NFIB: variants seen among roughly 807,000 people sequenced by gnomAD.
The protein encoded by NFIB is nuclear factor 1 B-type.
A neutral mutation model predicts 61.5 loss-of-function variants in NFIB; 11 were observed. The observed-to-expected ratio is 0.18, with a 90% confidence interval of 0.11 to 0.30. The LOEUF (loss-of-function observed/expected upper bound fraction) is 0.30. NFIB is among the 10% of genes least tolerant of loss of function. The probability of loss-of-function intolerance (pLI) is 1.00; values close to 1 mark genes in which losing one functional copy is unlikely to be tolerated. For missense variants in NFIB, 471 were observed against 608.9 expected (o/e 0.77, Z 2.38); for synonymous variants, 260 against 216.5 (o/e 1.20, Z -1.76).
Position 14,232,841 on chromosome 9 carries a change from A to G in NFIB, c.563-53061T>C, listed in dbSNP as rs549704460. Among the ~76,000 whole-genome samples, 6 of 152,320 alleles carry G rather than the reference A, an allele frequency of 3.9e-5. No homozygotes were observed. In the East Asian group the frequency reaches 9.6e-4, roughly 24 times the overall value. ...TTTATTTCAATTGTTTTGCCTATGT[A>G]CTATAGTCTGTAACTATCCTAGTCT... On this transcript the variant is annotated intron_variant, in intron 2 of 10. Coordinates refer to ENST00000380953, the MANE Select transcript of NFIB (RefSeq NM_001190737.2).
At chr9:14,419,055 T>C in the NFIB span, among the ~76,000 whole-genome samples, 118,958 of 151,822 alleles carry the variant, frequency 0.78, 46,800 homozygotes, top group Admixed American at 0.83. Flanking sequence ...ATCGGCAACC[T>C]GCAAAGTCAC....
At chr9:14,170,271 C>A (rs1039341592) in intron 3 of NFIB, among the ~76,000 whole-genome samples, 1 of 152,118 alleles carries the variant, frequency 6.6e-6, no homozygotes, top group African/African-American at 2.4e-5. Flanking sequence ...CTGTATGTGG[C>A]AAAAGCAGAT....
the NFIB span, among the ~76,000 whole-genome samples, chr9:14,444,399 T>C: frequency 6.6e-6 from 1 of 152,134 alleles, no homozygotes; most frequent in Non-Finnish European, 1.5e-5. Context: ...TAGAAGGTAA[T>C]GGCTAGAAAA....
At chr9:14,182,182 TA>T (rs1258883198) in intron 2 of NFIB, among the ~76,000 whole-genome samples, 1 of 152,134 alleles carries the variant, frequency 6.6e-6, no homozygotes, top group Non-Finnish European at 1.5e-5. Flanking sequence ...ATATACTTAC[TA>T]AAAAAACCAC....
chr9:14,293,880 C>G (rs2059257409), intron 2 of NFIB, among the ~76,000 whole-genome samples: 1 of 152,106 alleles, frequency 6.6e-6, no homozygotes, highest in Non-Finnish European at 1.5e-5. Context: ...CACCAAAAAA[C>G]AAAACCTTAC....
intron 2 of NFIB, among the ~76,000 whole-genome samples, chr9:14,293,815 G>C (rs776316708): frequency 6.6e-6 from 1 of 152,126 alleles, no homozygotes; most frequent in African/African-American, 2.4e-5. Context: ...GGTATGTCAT[G>C]TACAAAATAT....
chr9:14,245,753 A>T (rs914318029), intron 2 of NFIB, among the ~76,000 whole-genome samples: 1 of 152,014 alleles, frequency 6.6e-6, no homozygotes, highest in Non-Finnish European at 1.5e-5. Flanking sequence ...CACATCTGTA[A>T]TCCCAGCTAC....
At chr9:14,418,493 A>G in the NFIB span, among the ~76,000 whole-genome samples, 1 of 152,194 alleles carries the variant, frequency 6.6e-6, no homozygotes, top group African/African-American at 2.4e-5. Flanking sequence ...TCTGCTGCTT[A>G]GAACCAGGGT....
chr9:14,087,563 CCTTTTTT>C lies in NFIB; in HGVS notation c.*739_*745del, dbSNP rs980390473. On this transcript the variant is annotated 3_prime_UTR_variant, in exon 11 of 11. Transcript: ENST00000380953. ...GCCTTTGTGTTCAAACTGTTTTTTT[CCTTTTTT>C]CTTTTTTTCCTTTTTTTTTCATTTT... 8 of 226,732 alleles carry C rather than the reference CCTTTTTT, an allele frequency of 3.5e-5. No individual in the cohort carries two copies. The highest frequency in any genetic ancestry group is 6.1e-5 in the Non-Finnish European group (7 of 114,098). The allele number at this position is 226,732 out of a possible 1,614,324, so 14.0% of individuals were successfully genotyped here. A position where few individuals can be genotyped will look rare whatever the true frequency, so the allele number is the denominator to read the frequency against.
At chr9:14,302,059 A>C (rs1304021137) in intron 2 of NFIB, among the ~76,000 whole-genome samples, 1 of 152,222 alleles carries the variant, frequency 6.6e-6, no homozygotes, top group Non-Finnish European at 1.5e-5. Flanking sequence ...TTCCCAGAGC[A>C]TTTCACAGTG....
intron 6 of NFIB, among the ~76,000 whole-genome samples, chr9:14,145,927 G>C (rs1259846905): frequency 6.6e-6 from 1 of 151,804 alleles, no homozygotes; most frequent in Non-Finnish European, 1.5e-5. Flanking sequence ...TGTTTATGCT[G>C]CTGACATTAA....
intron 10 of NFIB, among the ~76,000 whole-genome samples, chr9:14,088,794 T>C (rs970821614): frequency 6.6e-6 from 1 of 152,182 alleles, no homozygotes; most frequent in Non-Finnish European, 1.5e-5. Context: ...CTTACCTGCC[T>C]ATTGGGTTGA....
At chr9:14,420,031 C>T in the NFIB span, among the ~76,000 whole-genome samples, 1 of 152,122 alleles carries the variant, frequency 6.6e-6, no homozygotes, top group Admixed American at 6.5e-5. Flanking sequence ...GATATACATG[C>T]TGCTAGCTCA....
intron 2 of NFIB, chr9:14,300,044 G>A (rs1044949796): frequency 1.8e-5 from 7 of 394,330 alleles, no homozygotes; most frequent in South Asian, 1.4e-4. Flanking sequence ...TTACTACAAC[G>A]CACTTAGTTT....
At chr9:14,325,818 A>G (rs1431306060) in intron 1 of NFIB, among the ~76,000 whole-genome samples, 4 of 152,126 alleles carry the variant, frequency 2.6e-5, no homozygotes, top group Admixed American at 6.5e-5. Flanking sequence ...ACAATTGGAT[A>G]TTGAAAAATA....
intron 10 of NFIB, among the ~76,000 whole-genome samples, chr9:14,101,703 C>A (rs1324860542): frequency 2.0e-5 from 3 of 152,110 alleles, no homozygotes; most frequent in Non-Finnish European, 4.4e-5. Flanking sequence ...AATACATAAG[C>A]GCAGCTGACT....
At chr9:14,242,384 A>G (rs2054457794) in intron 2 of NFIB, among the ~76,000 whole-genome samples, 1 of 152,210 alleles carries the variant, frequency 6.6e-6, no homozygotes, top group Admixed American at 6.5e-5. Flanking sequence ...AAGTTATTGC[A>G]AGAAGTCCTG....
chr9:14,494,224 AT>A, the NFIB span, among the ~76,000 whole-genome samples: 1 of 152,196 alleles, frequency 6.6e-6, no homozygotes, highest in Non-Finnish European at 1.5e-5. Context: ...AACAACAAAC[AT>A]TTCTTCCCTC....
chr9:14,158,924 G>A (rs139997784), intron 3 of NFIB, among the ~76,000 whole-genome samples: 392 of 152,300 alleles, frequency 2.6e-3, no homozygotes, highest in African/African-American at 8.9e-3. Flanking sequence ...CGATGAATAA[G>A]TGATGAACAT....
Sources: allele counts gnomAD v4.1 joint callset (sites outside exome capture counted in the v4.1 genomes callset), GRCh38; gene constraint gnomAD v4.1.1; transcripts MANE v1.5; gene names NCBI Gene and HGNC (gene_info 2026-07-23, HGNC 2026-07-21).